The following CD14 variants were observed in gnomAD, a reference collection of about 807,000 sequenced individuals.
The protein encoded by CD14 is monocyte differentiation antigen CD14.
Under a neutral mutation model 2.5 loss-of-function variants are expected in CD14, and 4 were observed. The ratio of observed to expected loss-of-function variants is 1.63; its 90% confidence interval spans 0.80 to 3.72. CD14 has a LOEUF of 3.72. Ranked by LOEUF, CD14 falls within the 30% of genes most tolerant of loss-of-function variation. The pLI, the probability that CD14 is intolerant of heterozygous loss-of-function variation, is 0.01. For missense variants in CD14, 478 were observed against 497.8 expected, an observed-to-expected ratio of 0.96 and a Z score of 0.38; for synonymous variants, 236 against 235.1, an observed-to-expected ratio of 1.00 and a Z score of -0.04.
chr5:140,631,758 G>A lies in CD14; in HGVS notation c.*98C>T. ...GTTGTTTAAGATTTTAATAAAGGTGGGGCAAAGGGTTGAATTGGTCGAAAA... is the reference window on the plus strand; with the variant it reads ...GTTGTTTAAGATTTTAATAAAGGTGAGGCAAAGGGTTGAATTGGTCGAAAA... On this transcript the variant is annotated 3_prime_UTR_variant, in exon 2 of 2. Coordinates refer to ENST00000302014, the MANE Select transcript of CD14 (RefSeq NM_000591.4). The A allele has an allele frequency of 8.9e-7, 1 of 1,119,276 alleles. No homozygotes were observed. Among genetic ancestry groups the A allele is most frequent in the Non-Finnish European group, 1.3e-6 (1 of 774,314 alleles). The allele number at this position is 1,119,276 out of a possible 1,614,324, so 69.3% of individuals were successfully genotyped here.
rs762699177 is a variant in CD14, at chr5:140,632,065, T to C, written c.919A>G (p.Asn307Asp). The change falls in exon 2 of 2, where the codon AAC becomes GAC. Residue 307 changes from asparagine (N) to aspartate (D), a missense_variant. By Grantham distance (23) the Asn-to-Asp change is conservative. Transcript: ENST00000302014. The surrounding 1 kb of genome is among the most constrained non-coding windows in gnomAD (Gnocchi z 6.2). Reference protein sequence around the residue: ...AKLRVLDLSCNRLNRAPQPDE... With the variant: ...AKLRVLDLSCDRLNRAPQPDE... ...GGCTGCGGCGCCCTGTTCAGTCTGT[T>C]GCAGCTGAGATCGAGCACTCTGAGC... 1 of 1,614,204 alleles carries C rather than the reference T, an allele frequency of 6.2e-7. No homozygotes were observed. Among genetic ancestry groups the C allele is most frequent in the Non-Finnish European group, 8.5e-7 (1 of 1,180,028 alleles).
In CD14 at chr5:140,632,503, G is replaced by A. The variant is rs367639783; in HGVS notation, c.481C>T (p.Leu161Phe). The A allele has an allele frequency of 2.3e-5, 37 of 1,614,152 alleles. No individual in the cohort carries two copies. The highest frequency in any genetic ancestry group is 3.1e-5 in the Non-Finnish European group (37 of 1,180,048). The change falls in exon 2 of 2, where the codon CTC becomes TTC. Residue 161 changes from leucine to phenylalanine, a missense_variant. By Grantham distance (22) the Leu-to-Phe change is conservative (BLOSUM62 0). Transcript: ENST00000302014. This position sits in a 1 kb window ranked among gnomAD's most constrained non-coding sequence, Gnocchi z 6.2. ...NVSWATGRSW[L>F]AELQQWLKPG... ...TTGAGCCACTGCTGCAGCTCGGCGAGCCAAGAACGCCCTGTCGCCCACGAC... is the reference window on the plus strand; with the variant it reads ...TTGAGCCACTGCTGCAGCTCGGCGAACCAAGAACGCCCTGTCGCCCACGAC...
At chr5:140,633,619 C>T (rs552352879), upstream of CD14, 27 of 166,630 alleles carry the variant, frequency 1.6e-4, no homozygotes, top group South Asian at 3.4e-3. Flanking sequence ...AATCCAAGTC[C>T]CTGAATATCC....
rs747248239 is a variant in CD14 at position 140,632,745 on chromosome 5, C to G, written c.239G>C (p.Arg80Pro). 3.5e-5 allele frequency: 56 copies of G among 1,613,374 alleles called. 1 individual carries two copies. In the South Asian group the frequency reaches 5.9e-4, roughly 17 times the overall value. ...LKRVDADADP[R>P]QYADTVKALR... ...AGCCTTGACCGTGTCAGCATACTGC[C>G]GCGGGTCGGCGTCCGCATCGACGCG... The change falls in exon 2 of 2, where the codon CGG becomes CCG. Residue 80 changes from arginine to proline, a missense_variant. Arg to Pro is a moderately radical substitution (Grantham distance 103). Transcript: ENST00000302014. This position sits in a 1 kb window ranked among gnomAD's most constrained non-coding sequence, Gnocchi z 6.2.
In CD14 at chr5:140,632,331, G is replaced by A. The variant is rs1756611858; in HGVS notation, c.653C>T (p.Pro218Leu). The A allele has an allele frequency of 1.9e-6, 3 of 1,614,078 alleles. No homozygotes were observed. Among genetic ancestry groups the A allele is most frequent in the Non-Finnish European group, 2.5e-6 (3 of 1,180,052 alleles). Reference sequence around the variant, plus strand: ...ATTCTGGATGGCCGGGAACTTGTGGGGACAGAGAGCCGCCATCAGTCCGCG... The same window carrying A: ...ATTCTGGATGGCCGGGAACTTGTGGAGACAGAGAGCCGCCATCAGTCCGCG... ...GERGLMAALC[P>L]HKFPAIQNLA... Residue 218 changes from proline to leucine, a missense_variant, in exon 2 of 2, where the codon CCC (proline) becomes CTC (leucine). Transcript: ENST00000302014. The surrounding 1 kb of genome is among the most constrained non-coding windows in gnomAD (Gnocchi z 6.2).
chr5:140,633,054 A>G lies in CD14; in HGVS notation c.3+15T>C. 3 of 1,613,088 alleles carry G rather than the reference A, an allele frequency of 1.9e-6. No homozygotes were observed. Among genetic ancestry groups the G allele is most frequent in the Non-Finnish European group, 2.5e-6 (3 of 1,179,666 alleles). ...CCCGAGTGGCACGCGTTCGACCCCA[A>G]GACCCTACACTCACCATGGTCGATA... On this transcript the variant is annotated intron_variant, in intron 1 of 1. Transcript: ENST00000302014.
At chr5:140,633,431 G>A (rs906467342), upstream of CD14, 3 of 448,706 alleles carry the variant, frequency 6.7e-6, no homozygotes, top group African/African-American at 6.0e-5. Flanking sequence ...CTGTTGACTC[G>A]GGAGCCTAAG....
rs778450411 is a variant in CD14 at position 140,632,447 on chromosome 5, T to C, written c.537A>G (p.Gln179=). The C allele has an allele frequency of 2.5e-6, 4 of 1,614,086 alleles. No individual in the cohort carries two copies. The African/African-American group carries it at 4.0e-5, about 16-fold the overall frequency. The change falls in exon 2 of 2, where the codon CAA becomes CAG. Residue 179 remains glutamine (Q), a synonymous_variant. Transcript: ENST00000302014. The surrounding 1 kb of genome is among the most constrained non-coding windows in gnomAD (Gnocchi z 6.2). ...CGCAGGAAAAGGCAGGCGAGTGTGC[T>C]TGGGCAATGCTCAGTACCTTGAGGC... ...KPGLKVLSIA[Q]AHSPAFSCEQ...
rs747769524 is a variant in CD14, at chr5:140,633,064, C to A, written c.3+5G>T. ...ACGCGTTCGACCCCAAGACCCTACA[C>A]TCACCATGGTCGATAAGTCTTCCGA... is the stretch of plus-strand genomic sequence containing the variant. On this transcript the variant is annotated splice_donor_5th_base_variant and intron_variant, in intron 1 of 1. Transcript: ENST00000302014. The A allele has an allele frequency of 9.3e-6, 15 of 1,614,080 alleles. No individual in the cohort carries two copies. The highest frequency in any genetic ancestry group is 1.6e-4 in the Middle Eastern group (1 of 6,084).
At position 140,631,833 on chromosome 5, in the gene CD14, C is replaced by T. The variant is rs866647596; in HGVS notation, c.*23G>A. The T allele has an allele frequency of 6.6e-7, 1 of 1,520,532 alleles. No homozygotes were observed. Among genetic ancestry groups the T allele is most frequent in the Non-Finnish European group, 8.8e-7 (1 of 1,131,708 alleles). The allele number at this position is 1,520,532 out of a possible 1,614,324, so 94.2% of individuals were successfully genotyped here. Reference sequence around the variant, plus strand: ...CCCTGAAGCCAAGGCAGTTTGAGTCCATTCATTATTCTGTCTTGGATCTTA... The same window carrying T: ...CCCTGAAGCCAAGGCAGTTTGAGTCTATTCATTATTCTGTCTTGGATCTTA... On this transcript the variant is annotated 3_prime_UTR_variant, in exon 2 of 2. Transcript: ENST00000302014.
rs373361139 is a variant in CD14, at chr5:140,632,875, T to C, written c.109A>G (p.Asn37Asp). 2 of 1,614,016 alleles carry C rather than the reference T, an allele frequency of 1.2e-6. No homozygotes were observed. The highest frequency in any genetic ancestry group is 2.7e-5 in the African/African-American group (2 of 74,918). ...LDDEDFRCVC[N>D]FSEPQPDWSE... ...CAGTCGGGCTGAGGTTCGGAGAAGTTGCAGACGCAGCGGAAATCTTCATCG... is the reference window on the plus strand; with the variant it reads ...CAGTCGGGCTGAGGTTCGGAGAAGTCGCAGACGCAGCGGAAATCTTCATCG... Residue 37 changes from asparagine (N) to aspartate (D), a missense_variant, in exon 2 of 2, where the codon AAC (asparagine) becomes GAC (aspartate). Asn to Asp is a conservative substitution (Grantham distance 23). Transcript: ENST00000302014. This position sits in a 1 kb window ranked among gnomAD's most constrained non-coding sequence, Gnocchi z 6.2.
chr5:140,632,006 C>T lies in CD14; in HGVS notation c.978G>A (p.Leu326=), dbSNP rs748305861. The change falls in exon 2 of 2, where the codon CTG becomes CTA. Residue 326 remains leucine, a synonymous_variant. Transcript: ENST00000302014. This position sits in a 1 kb window ranked among gnomAD's most constrained non-coding sequence, Gnocchi z 6.2. ...DELPEVDNLT[L]DGNPFLVPGT... ...CAGGGACCAGGAAGGGATTCCCGTC[C>T]AGTGTCAGGTTATCCACCTCGGGCA... 2.5e-6 allele frequency: 4 copies of T among 1,614,110 alleles called. No individual in the cohort carries two copies. The highest frequency in any genetic ancestry group is 1.1e-5 in the South Asian group (1 of 91,080).
Position 140,632,456 on chromosome 5 carries a change from G to C in CD14, c.528C>G (p.Ser176Arg). The C allele has an allele frequency of 4.3e-6, 7 of 1,614,204 alleles. No individual in the cohort carries two copies. The highest frequency in any genetic ancestry group is 5.9e-6 in the Non-Finnish European group (7 of 1,180,048). Residue 176 changes from serine to arginine, a missense_variant, in exon 2 of 2, where the codon AGC becomes AGG. By Grantham distance (110) the Ser-to-Arg change is moderately radical (BLOSUM62 -1). Transcript: ENST00000302014. This position sits in a 1 kb window ranked among gnomAD's most constrained non-coding sequence, Gnocchi z 6.2. ...QWLKPGLKVL[S>R]IAQAHSPAFS... ...AGGCAGGCGAGTGTGCTTGGGCAAT[G>C]CTCAGTACCTTGAGGCCTGGCTTGA... is the stretch of plus-strand genomic sequence containing the variant.
chr5:140,632,437 G>A lies in CD14; in HGVS notation c.547C>T (p.Pro183Ser). ...CGAACCTGTTCGCAGGAAAAGGCAGGCGAGTGTGCTTGGGCAATGCTCAGT... is the reference window on the plus strand; with the variant it reads ...CGAACCTGTTCGCAGGAAAAGGCAGACGAGTGTGCTTGGGCAATGCTCAGT... ...KVLSIAQAHS[P>S]AFSCEQVRAF... is the part of the protein sequence containing the mutation. Residue 183 changes from proline to serine, a missense_variant, in exon 2 of 2, where the codon CCT becomes TCT. Coordinates refer to ENST00000302014, the MANE Select transcript of CD14 (RefSeq NM_000591.4). The surrounding 1 kb of genome is among the most constrained non-coding windows in gnomAD (Gnocchi z 6.2). 1 of 1,614,222 alleles carries A rather than the reference G, an allele frequency of 6.2e-7. No homozygotes were observed. Among genetic ancestry groups the A allele is most frequent in the Non-Finnish European group, 8.5e-7 (1 of 1,180,052 alleles).
Position 140,633,099 on chromosome 5 carries a change from C to CTCCG in CD14, c.-32_-29dup. The CTCCG allele has an allele frequency of 6.2e-7, 1 of 1,613,964 alleles. No homozygotes were observed. The highest frequency in any genetic ancestry group is 1.3e-5 in the African/African-American group (1 of 75,046). ...TCGATAAGTCTTCCGAACCTCTGAG[C>CTCCG]TCCGGACAGGCTCTGGAAGTGCTTT... On this transcript the variant is annotated 5_prime_UTR_variant, in exon 1 of 2. Transcript: ENST00000302014.
At position 140,632,339 on chromosome 5, in the gene CD14, A is replaced by G; in HGVS notation, c.645T>C (p.Ala215=). ...TGGCCGGGAACTTGTGGGGACAGAG[A>G]GCCGCCATCAGTCCGCGTTCGCCCA... ...PGLGERGLMA[A]LCPHKFPAIQ... The change falls in exon 2 of 2, where the codon GCT becomes GCC. Residue 215 remains alanine (A), a synonymous_variant. Coordinates refer to ENST00000302014, the MANE Select transcript of CD14 (RefSeq NM_000591.4). The surrounding 1 kb of genome is among the most constrained non-coding windows in gnomAD (Gnocchi z 6.2). 1 of 1,614,032 alleles carries G rather than the reference A, an allele frequency of 6.2e-7. No individual in the cohort carries two copies. The highest frequency in any genetic ancestry group is 8.5e-7 in the Non-Finnish European group (1 of 1,180,036).
chr5:140,631,949 G>T lies in CD14; in HGVS notation c.1035C>A (p.Asn345Lys). 6.2e-7 allele frequency: 1 copy of T among 1,613,142 alleles called. No individual in the cohort carries two copies. Among genetic ancestry groups the T allele is most frequent in the Non-Finnish European group, 8.5e-7 (1 of 1,179,200 alleles). The change falls in exon 2 of 2, where the codon AAC becomes AAA. Residue 345 changes from asparagine (N) to lysine (K), a missense_variant. By Grantham distance (94) the Asn-to-Lys change is moderately conservative. Coordinates refer to ENST00000302014, the MANE Select transcript of CD14 (RefSeq NM_000591.4). Reference protein sequence around the residue: ...GTALPHEGSMNSGVVPACARS... With the variant: ...GTALPHEGSMKSGVVPACARS... ...GTGCACAGGCTGGGACCACGCCGGA[G>T]TTCATTGAGCCCTCGTGGGGGAGGG...
In CD14 at chr5:140,631,946, G is replaced by A; in HGVS notation, c.1038C>T (p.Ser346=). Residue 346 remains serine, a synonymous_variant, in exon 2 of 2, where the codon TCC becomes TCT. Transcript: ENST00000302014. ...TALPHEGSMN[S]GVVPACARST... is the part of the protein sequence containing the mutation. ...AACGTGCACAGGCTGGGACCACGCCGGAGTTCATTGAGCCCTCGTGGGGGA... is the reference window on the plus strand; with the variant it reads ...AACGTGCACAGGCTGGGACCACGCCAGAGTTCATTGAGCCCTCGTGGGGGA... The A allele has an allele frequency of 1.2e-6, 2 of 1,613,060 alleles. No individual in the cohort carries two copies. The highest frequency in any genetic ancestry group is 4.5e-5 in the East Asian group (2 of 44,830).
In CD14 at chr5:140,632,282, C is replaced by T. The variant is rs74587733; in HGVS notation, c.702G>A (p.Met234Ile). The change falls in exon 2 of 2, where the codon ATG becomes ATA. Residue 234 changes from methionine (M) to isoleucine (I), a missense_variant. Coordinates refer to ENST00000302014, the MANE Select transcript of CD14 (RefSeq NM_000591.4). This position sits in a 1 kb window ranked among gnomAD's most constrained non-coding sequence, Gnocchi z 6.2. ...IQNLALRNTGMETPTGVCAAL... is the reference protein window; with the variant it reads ...IQNLALRNTGIETPTGVCAAL... ...CGGCGCACACGCCTGTGGGCGTCTC[C>T]ATTCCTGTGTTGCGCAGCGCTAGAT... The T allele has an allele frequency of 1.6e-3, 2,509 of 1,613,928 alleles. 56 individuals are homozygous for T. The East Asian group carries it at 0.044, about 28-fold the overall frequency.
Sources: gnomAD v4.1 joint callset for allele counts on GRCh38, gnomAD v4.1.1 for gene constraint, Gnocchi (gnomAD v3.1) non-coding constraint, MANE v1.5 for transcripts, NCBI Gene and HGNC (gene_info 2026-07-23, HGNC 2026-07-21) for gene names.